Variants in AGTPBP1 observed in about 807,000 individuals in gnomAD.
The protein encoded by AGTPBP1 is cytosolic carboxypeptidase 1.
AGTPBP1 carries 70 observed loss-of-function variants against 143.9 expected under a neutral mutation model. That is an observed-to-expected ratio of 0.49 (90% CI 0.40 to 0.59). The LOEUF (loss-of-function observed/expected upper bound fraction) is 0.59. Among genes scored for constraint, AGTPBP1 ranks in the 20% least tolerant of loss-of-function variants. The probability of loss-of-function intolerance (pLI) is 0.00; values close to 1 mark genes in which losing one functional copy is unlikely to be tolerated. For missense variants in AGTPBP1, 1,229 were observed against 1,464.5 expected (o/e 0.84, Z 2.62); for synonymous variants, 463 against 500.2 (o/e 0.93, Z 0.99).
intron 3 of AGTPBP1, among the ~76,000 whole-genome samples, chr9:85,690,086 T>A (rs1835767786): frequency 1.3e-5 from 2 of 151,962 alleles, no homozygotes; most frequent in South Asian, 4.2e-4. Flanking sequence ...CCTCTCCCCG[T>A]GCCTTCAACA....
At chr9:85,719,818 A>C (rs1837980670) in intron 1 of AGTPBP1, among the ~76,000 whole-genome samples, 1 of 152,202 alleles carries the variant, frequency 6.6e-6, no homozygotes, top group Non-Finnish European at 1.5e-5. Flanking sequence ...AGCTCTTATT[A>C]TTTTGAGATA....
intron 20 of AGTPBP1, among the ~76,000 whole-genome samples, chr9:85,588,803 G>C (rs556548778): frequency 1.3e-4 from 19 of 150,488 alleles, no homozygotes; most frequent in Non-Finnish European, 2.5e-4. Flanking sequence ...CAAGCACTTG[G>C]GGGAAGTTTA....
chr9:85,781,061 G>T, the AGTPBP1 span: 2 of 1,130,000 alleles, frequency 1.8e-6, no homozygotes, highest in South Asian at 4.1e-5. Context: ...AGCTTACAGT[G>T]AGCCGAGCAT....
the AGTPBP1 span, among the ~76,000 whole-genome samples, chr9:85,797,832 A>C: frequency 6.6e-6 from 1 of 152,084 alleles, no homozygotes; most frequent in African/African-American, 2.4e-5. Flanking sequence ...TGATCTAGAG[A>C]ATTCTCTTTG....
chr9:85,633,440 A>C, intron 13 of AGTPBP1, 66 bp from the exon 14 acceptor site: 2 of 1,225,482 alleles, frequency 1.6e-6, no homozygotes, highest in Non-Finnish European at 2.2e-6. Flanking sequence ...CAAAACTAAT[A>C]CATTCATGTT....
At chr9:85,640,730 G>A (rs1004143071) in intron 13 of AGTPBP1, among the ~76,000 whole-genome samples, 24 of 152,086 alleles carry the variant, frequency 1.6e-4, no homozygotes, top group African/African-American at 5.8e-4. Context: ...TAGAATGCAA[G>A]ACAACTCATC....
the AGTPBP1 span, among the ~76,000 whole-genome samples, chr9:85,766,949 T>C: frequency 6.6e-6 from 1 of 151,984 alleles, no homozygotes; most frequent in African/African-American, 2.4e-5. Context: ...GATAGAAAGA[T>C]TTTAGATCGT....
Position 85,621,236 on chromosome 9 carries a change from T to C in AGTPBP1, c.2065A>G (p.Ile689Val), listed in dbSNP as rs760076404. 60 of 1,473,060 alleles carry C rather than the reference T, an allele frequency of 4.1e-5. No homozygotes were observed. The highest frequency in any genetic ancestry group is 5.3e-5 in the Non-Finnish European group (59 of 1,118,840). The allele number at this position is 1,473,060 out of a possible 1,614,324, so 91.2% of individuals were successfully genotyped here. A position where few individuals can be genotyped will look rare whatever the true frequency, so the allele number is the denominator to read the frequency against. Residue 689 changes from isoleucine (I) to valine (V), a missense_variant, in exon 15 of 26, where the codon ATA becomes GTA. This residue lies in a region of AGTPBP1 where 743 missense variants were observed against 812.2 expected (regional missense o/e 0.91). Coordinates refer to ENST00000357081, the MANE Select transcript of AGTPBP1 (RefSeq NM_001330701.2). ...IERLIHQSDI[I>V]DRVVYDLDNP... Reference sequence around the variant, plus strand: ...TCCAAGTCATATACCACACGATCTATGATATCACTCTGATGTATTAGCCTT... The same window carrying C: ...TCCAAGTCATATACCACACGATCTACGATATCACTCTGATGTATTAGCCTT...
At chr9:85,569,250 T>A (rs1383452912) in intron 25 of AGTPBP1, among the ~76,000 whole-genome samples, 1 of 152,108 alleles carries the variant, frequency 6.6e-6, no homozygotes. Context: ...TATCAACAGC[T>A]AAGAGAAGGA....
chr9:85,738,797 C>G (rs1044387444), intron 1 of AGTPBP1, among the ~76,000 whole-genome samples: 2 of 152,004 alleles, frequency 1.3e-5, no homozygotes, highest in African/African-American at 4.8e-5. Context: ...TCTCATTTAA[C>G]CCCAAAGGAG....
chr9:85,750,993 G>C, the AGTPBP1 span, among the ~76,000 whole-genome samples: 1 of 152,122 alleles, frequency 6.6e-6, no homozygotes, highest in Non-Finnish European at 1.5e-5. Context: ...GTCCAACTGG[G>C]GTCTCTTTCC....
intron 25 of AGTPBP1, among the ~76,000 whole-genome samples, chr9:85,547,561 T>C (rs1176347715): frequency 1.3e-5 from 2 of 152,196 alleles, no homozygotes; most frequent in African/African-American, 4.8e-5. Flanking sequence ...GTGAACTCTC[T>C]CATCAGGTTA....
At chr9:85,593,515 T>C (rs1186817543) in intron 18 of AGTPBP1, among the ~76,000 whole-genome samples, 1 of 152,216 alleles carries the variant, frequency 6.6e-6, no homozygotes, top group Non-Finnish European at 1.5e-5. Flanking sequence ...GAACATTGGA[T>C]ATTTCATCAC....
intron 8 of AGTPBP1, among the ~76,000 whole-genome samples, chr9:85,662,414 C>A (rs1833900894): frequency 1.3e-5 from 2 of 152,146 alleles, no homozygotes; most frequent in Admixed American, 6.6e-5. Context: ...ATTAAATTTT[C>A]ATTGCATTGA....
At chr9:85,779,234 T>TAGATAC in the AGTPBP1 span, among the ~76,000 whole-genome samples, 16 of 130,484 alleles carry the variant, frequency 1.2e-4, no homozygotes, top group Non-Finnish European at 2.0e-4. Context: ...GATATAGATA[T>TAGATAC]AGATATAGAT....
intron 2 of AGTPBP1, among the ~76,000 whole-genome samples, chr9:85,700,977 G>A (rs1389327816): frequency 6.6e-6 from 1 of 152,018 alleles, no homozygotes; most frequent in Non-Finnish European, 1.5e-5. Context: ...GAGTGCAGTG[G>A]CGCAATCTCG....
At chr9:85,720,130 G>A (rs1838006431) in intron 1 of AGTPBP1, among the ~76,000 whole-genome samples, 2 of 152,134 alleles carry the variant, frequency 1.3e-5, no homozygotes, top group African/African-American at 4.8e-5. Flanking sequence ...CTCTTTTATT[G>A]TTGTGTCTCT....
chr9:85,734,124 G>GT (rs1219295996), intron 1 of AGTPBP1, among the ~76,000 whole-genome samples: 4 of 152,040 alleles, frequency 2.6e-5, no homozygotes. Context: ...GTGGTGGCGC[G>GT]TGTCTGTAGT....
upstream of AGTPBP1, among the ~76,000 whole-genome samples, chr9:85,742,519 C>T (rs999020046): frequency 6.6e-6 from 1 of 152,156 alleles, no homozygotes. Flanking sequence ...CATGCTGTTA[C>T]TACAATCGGG....
Sources: allele counts gnomAD v4.1 joint callset (sites outside exome capture counted in the v4.1 genomes callset), GRCh38; gene constraint gnomAD v4.1.1; regional missense constraint gnomAD v4.1.1; transcripts MANE v1.5; gene names NCBI Gene and HGNC (gene_info 2026-07-23, HGNC 2026-07-21).